Variants in ZNF814 observed in about 807,000 individuals in gnomAD.
ZNF814 encodes zinc finger protein 814.
In ZNF814, 5 loss-of-function variants were observed where a neutral mutation model predicts 7.5. The ratio of observed to expected loss-of-function variants is 0.67; its 90% CI spans 0.35 to 1.40. ZNF814 has a LOEUF of 1.40. Among genes scored for constraint, ZNF814 ranks in the 40% most tolerant of loss-of-function variants. The probability of loss-of-function intolerance (pLI) is 0.04; values close to 1 mark genes in which losing one functional copy is unlikely to be tolerated. For synonymous variants in ZNF814, 315 were observed against 340.7 expected, an observed-to-expected ratio of 0.92 and a Z score of 0.83; for missense variants, 962 against 1,018.0, an observed-to-expected ratio of 0.94 and a Z score of 0.75.
At chr19:57,885,626 T>C (rs1410945448) in intron 1 of ZNF814, among the ~76,000 whole-genome samples, 1 of 82,372 alleles carries the variant, frequency 1.2e-5, no homozygotes, top group Non-Finnish European at 2.6e-5. Flanking sequence ...TAAGACTGTG[T>C]CTCAAAAAAA....
chr19:57,887,565 C>A (rs2071702925), intron 1 of ZNF814, among the ~76,000 whole-genome samples: 1 of 152,220 alleles, frequency 6.6e-6, no homozygotes, highest in South Asian at 2.1e-4. Flanking sequence ...CCCTTTTGCT[C>A]TCTTAATCAC....
chr19:57,904,408 T>A, the ZNF814 span, among the ~76,000 whole-genome samples: 1 of 152,134 alleles, frequency 6.6e-6, no homozygotes, highest in African/African-American at 2.4e-5. Flanking sequence ...TCTCATTCCT[T>A]TGACTCTGCC....
the ZNF814 span, among the ~76,000 whole-genome samples, chr19:57,894,526 C>T: frequency 6.6e-6 from 1 of 151,986 alleles, no homozygotes; most frequent in Non-Finnish European, 1.5e-5. Flanking sequence ...ACCTAGTTGG[C>T]ATAGCTGCAA....
chr19:57,904,535 T>C, the ZNF814 span, among the ~76,000 whole-genome samples: 2 of 152,198 alleles, frequency 1.3e-5, no homozygotes, highest in Admixed American at 6.5e-5. Flanking sequence ...TCATGTTCAC[T>C]GAGATGCTGG....
In ZNF814 at chr19:57,873,046, C is replaced by A; in HGVS notation, c.2344G>T (p.Ala782Ser). The A allele has an allele frequency of 6.2e-7, 1 of 1,612,902 alleles. No homozygotes were observed. The highest frequency in any genetic ancestry group is 8.5e-7 in the Non-Finnish European group (1 of 1,179,614). Residue 782 changes from alanine to serine, a missense_variant, in exon 3 of 3, where the codon GCT becomes TCT. Physicochemically the swap from Ala to Ser is moderately conservative, Grantham distance 99. Coordinates refer to ENST00000435989, the MANE Select transcript of ZNF814 (RefSeq NM_001144989.2). The part of the protein sequence containing the change: ...YECSECGKSF[A>S]ESSSFTKHKR... ...TGTTTTGTGAAACTGGAGCTTTCAGCGAAAGATTTTCCACATTCACTGCAC... is the reference window on the plus strand; with the variant it reads ...TGTTTTGTGAAACTGGAGCTTTCAGAGAAAGATTTTCCACATTCACTGCAC...
chr19:57,884,021 T>TGCTGG lies in ZNF814; in HGVS notation c.36+4741_36+4745dup, dbSNP rs570476339. ...ATCTGCCCGCCTTGGCCTCCCAAAG[T>TGCTGG]GCTGGGATTATAGGCGTGAGTCACC... On this transcript the variant is annotated intron_variant, in intron 1 of 2. Transcript: ENST00000435989. 4.6e-5 allele frequency among the ~76,000 whole-genome samples: 7 copies of TGCTGG among 152,236 alleles called. No homozygotes were observed. The South Asian group carries it at 1.5e-3, about 32-fold the overall frequency.
chr19:57,888,748 C>T lies in ZNF814; in HGVS notation c.36+19G>A, dbSNP rs2071714062. 1.5e-5 allele frequency: 23 copies of T among 1,553,706 alleles called. No homozygotes were observed. The highest frequency in any genetic ancestry group is 1.8e-5 in the Non-Finnish European group (21 of 1,148,204). On this transcript the variant is annotated intron_variant, in intron 1 of 2. Transcript: ENST00000435989. ...GTGACGATGAGGTGACCTGAGGACACAGAAGGCCCCACAATTACCTGAGCG... is the reference window on the plus strand; with the variant it reads ...GTGACGATGAGGTGACCTGAGGACATAGAAGGCCCCACAATTACCTGAGCG...
At chr19:57,875,411 G>T (rs1346166692) in intron 2 of ZNF814, among the ~76,000 whole-genome samples, 185 bp from the exon 3 acceptor site, 1 of 152,184 alleles carries the variant, frequency 6.6e-6, no homozygotes, top group African/African-American at 2.4e-5. Context: ...CAGAATGTAG[G>T]AGGCCTCATA....
In ZNF814 at chr19:57,874,925, C is replaced by T. The variant is rs774669760; in HGVS notation, c.465G>A (p.Ala155=). 7.3e-5 allele frequency: 118 copies of T among 1,613,118 alleles called. 3 individuals are homozygous for T. The highest frequency in any genetic ancestry group is 1.6e-4 in the Middle Eastern group (1 of 6,084). ...GCAACTTACACCTCTTTGCAAACAA[C>T]GCCTCCTCAACACTCCCTCTGTAGG... ...EKPYRGSVEE[A]LFAKRCKLHV... The change falls in exon 3 of 3, where the codon GCG becomes GCA. Residue 155 remains alanine, a synonymous_variant. Transcript: ENST00000435989.
chr19:57,891,048 G>A (rs1403592934), upstream of ZNF814, among the ~76,000 whole-genome samples: 1 of 152,174 alleles, frequency 6.6e-6, no homozygotes, highest in East Asian at 1.9e-4. Context: ...ACAGTTTGCA[G>A]TAAAGAAGCC....
upstream of ZNF814, among the ~76,000 whole-genome samples, chr19:57,892,814 C>T (rs965883140): frequency 6.6e-6 from 1 of 152,226 alleles, no homozygotes; most frequent in Non-Finnish European, 1.5e-5. Context: ...ATGTTTTTCT[C>T]TGTCTCCTTT....
upstream of ZNF814, among the ~76,000 whole-genome samples, chr19:57,890,784 G>C (rs1238846244): frequency 6.6e-6 from 1 of 152,090 alleles, no homozygotes; most frequent in Non-Finnish European, 1.5e-5. Context: ...AATCTATGGG[G>C]CCCTAATAAA....
chr19:57,873,080 C>T lies in ZNF814; in HGVS notation c.2310G>A (p.Lys770=), dbSNP rs760038978. ...TTCCACATTCACTGCACTCATAAGG[C>T]TTTTCTCCAGTGTGAATTCGCTTAT... ...CVHKRIHTGE[K]PYECSECGKS... The change falls in exon 3 of 3, where the codon AAG becomes AAA. Residue 770 remains lysine (K), a synonymous_variant. Coordinates refer to ENST00000435989, the MANE Select transcript of ZNF814 (RefSeq NM_001144989.2). 2.5e-6 allele frequency: 4 copies of T among 1,613,626 alleles called. No individual in the cohort carries two copies. The African/African-American group carries it at 5.3e-5, about 22-fold the overall frequency.
rs181936122 is a variant in ZNF814 at position 57,885,377 on chromosome 19, T to C, written c.36+3390A>G. 3.1e-4 allele frequency among the ~76,000 whole-genome samples: 46 copies of C among 147,530 alleles called. No homozygotes were observed. The East Asian group carries it at 7.4e-3, about 24-fold the overall frequency. On this transcript the variant is annotated intron_variant, in intron 1 of 2. Coordinates refer to ENST00000435989, the MANE Select transcript of ZNF814 (RefSeq NM_001144989.2). ...GCGCGGTGGTGGCTCACACCTGTAA[T>C]CTCAGCACTTCGGGAGGCTGAGGTG...
At position 57,879,052 on chromosome 19, in the gene ZNF814, C is replaced by A. The variant is rs939403775; in HGVS notation, c.37-2010G>T. 7.2e-5 allele frequency among the ~76,000 whole-genome samples: 11 copies of A among 152,050 alleles called. No individual in the cohort carries two copies. In the South Asian group the frequency reaches 1.0e-3, roughly 14 times the overall value. ...GACCAGGCATCCAGGTGGCAAATCA[C>A]ACTGGGCCTTAATTTTTGGCCTTAC... On this transcript the variant is annotated intron_variant, in intron 1 of 2. Transcript: ENST00000435989.
chr19:57,899,495 A>G, the ZNF814 span, among the ~76,000 whole-genome samples: 1 of 152,246 alleles, frequency 6.6e-6, no homozygotes, highest in Admixed American at 6.5e-5. Context: ...GATAATTTAA[A>G]AACTTTAAAT....
chr19:57,872,667 G>T lies in ZNF814; in HGVS notation c.*155C>A. 1 of 1,542,774 alleles carries T rather than the reference G, an allele frequency of 6.5e-7. No individual in the cohort carries two copies. The highest frequency in any genetic ancestry group is 8.9e-7 in the Non-Finnish European group (1 of 1,129,642). ...ATTCACTGCACTCATAAGGTGGTGT[G>T]ACCAGTGTGAACTCTCTTATGAACA... On this transcript the variant is annotated 3_prime_UTR_variant, in exon 3 of 3. Coordinates refer to ENST00000435989, the MANE Select transcript of ZNF814 (RefSeq NM_001144989.2).
the ZNF814 span, among the ~76,000 whole-genome samples, chr19:57,897,931 C>A: frequency 6.6e-6 from 1 of 152,182 alleles, no homozygotes; most frequent in Non-Finnish European, 1.5e-5. Flanking sequence ...AACTGGGAAA[C>A]AGCACTGTAA....
upstream of ZNF814, among the ~76,000 whole-genome samples, chr19:57,892,770 T>C (rs1048947291): frequency 1.1e-4 from 17 of 152,246 alleles, no homozygotes; most frequent in Non-Finnish European, 2.4e-4. Flanking sequence ...CTGGCCTCTC[T>C]AAGCTCCTGG....
Sources: gnomAD v4.1 joint callset for allele counts (sites outside exome capture counted in the v4.1 genomes callset) on GRCh38, gnomAD v4.1.1 for gene constraint, MANE v1.5 for transcripts, NCBI Gene and HGNC (gene_info 2026-07-23, HGNC 2026-07-21) for gene names.